The following ADAMTS17 variants were observed in gnomAD, a reference collection of about 807,000 sequenced individuals.
The protein encoded by ADAMTS17 is A disintegrin and metalloproteinase with thrombospondin motifs 17.
A neutral mutation model predicts 141.5 loss-of-function variants in ADAMTS17; 113 were observed. The observed-to-expected ratio is 0.80, with a 90% CI of 0.69 to 0.93. ADAMTS17 has a LOEUF of 0.93. Ranked by LOEUF, ADAMTS17 falls within the 40% of genes least tolerant of loss-of-function variation. ADAMTS17 has a pLI of 0.00. For missense variants in ADAMTS17, 1,659 were observed against 1,517.9 expected (o/e 1.09, Z -1.54); for synonymous variants, 768 against 630.6 (o/e 1.22, Z -3.27).
chr15:100,180,945 C>A (rs1283975433), intron 8 of ADAMTS17, among the ~76,000 whole-genome samples: 1 of 152,162 alleles, frequency 6.6e-6, no homozygotes, highest in Non-Finnish European at 1.5e-5. Flanking sequence ...GAGACACTGT[C>A]CAAGAGCCAG....
intron 18 of ADAMTS17, among the ~76,000 whole-genome samples, chr15:100,020,278 A>C (rs2727109): frequency 0.078 from 11,851 of 152,236 alleles, 1,323 homozygotes; most frequent in African/African-American, 0.25. Context: ...TTTGACAAGG[A>C]TCTCAGAAAA....
At chr15:100,137,312 G>A (rs1335621228) in intron 10 of ADAMTS17, among the ~76,000 whole-genome samples, 1 of 152,218 alleles carries the variant, frequency 6.6e-6, no homozygotes, top group Non-Finnish European at 1.5e-5. Flanking sequence ...GGAGCTGTGG[G>A]AGGCTGTCTA....
chr15:100,337,115 C>G (rs778341062), intron 2 of ADAMTS17, among the ~76,000 whole-genome samples: 3 of 152,224 alleles, frequency 2.0e-5, no homozygotes, highest in Admixed American at 6.5e-5. Flanking sequence ...ACCTGCTGGT[C>G]CACCCACCTC....
chr15:99,986,978 G>C (rs1017890690), intron 20 of ADAMTS17, among the ~76,000 whole-genome samples: 1 of 152,218 alleles, frequency 6.6e-6, no homozygotes, highest in African/African-American at 2.4e-5. Context: ...ACACGACCCT[G>C]GTTAGGGTTT....
intron 18 of ADAMTS17, among the ~76,000 whole-genome samples, chr15:100,040,576 T>C (rs1165595350): frequency 6.6e-6 from 1 of 151,874 alleles, no homozygotes; most frequent in African/African-American, 2.4e-5. Context: ...AGAGCCTACA[T>C]GCAAAGCATT....
intron 7 of ADAMTS17, among the ~76,000 whole-genome samples, chr15:100,228,489 T>G (rs745367613): frequency 1.3e-5 from 2 of 152,012 alleles, no homozygotes; most frequent in African/African-American, 4.8e-5. Flanking sequence ...GATCAATTAG[T>G]GCATTAATGA....
At chr15:100,171,565 C>A (rs1166773850) in intron 8 of ADAMTS17, among the ~76,000 whole-genome samples, 1 of 152,218 alleles carries the variant, frequency 6.6e-6, no homozygotes, top group Non-Finnish European at 1.5e-5. Context: ...ATGCCACTGT[C>A]CTCTGGCGGG....
chr15:100,324,509 G>T (rs559153094), intron 3 of ADAMTS17, among the ~76,000 whole-genome samples: 1 of 152,212 alleles, frequency 6.6e-6, no homozygotes, highest in South Asian at 2.1e-4. Flanking sequence ...AAGTTCTCTG[G>T]AGGCAAGGAC....
At chr15:100,148,753 G>A (rs2039025726) in intron 10 of ADAMTS17, among the ~76,000 whole-genome samples, 1 of 152,002 alleles carries the variant, frequency 6.6e-6, no homozygotes, top group Admixed American at 6.5e-5. Flanking sequence ...TGCTGCACAG[G>A]TGGGCAGGGG....
At chr15:100,227,417 C>A (rs955516657) in intron 7 of ADAMTS17, among the ~76,000 whole-genome samples, 4 of 152,162 alleles carry the variant, frequency 2.6e-5, no homozygotes, top group African/African-American at 9.7e-5. Flanking sequence ...ATGGAGATCT[C>A]AGATCCACCC....
chr15:100,006,634 A>C (rs1040194563), intron 18 of ADAMTS17, among the ~76,000 whole-genome samples: 1 of 152,234 alleles, frequency 6.6e-6, no homozygotes. Context: ...TGGGCTAACA[A>C]GTGGTTTGTC....
intron 4 of ADAMTS17, among the ~76,000 whole-genome samples, chr15:100,262,999 T>C (rs549528711): frequency 6.6e-6 from 1 of 152,116 alleles, no homozygotes; most frequent in Admixed American, 6.5e-5. Context: ...CATACACACG[T>C]GTGCAAACAT....
intron 4 of ADAMTS17, among the ~76,000 whole-genome samples, chr15:100,275,306 G>T (rs2044043654): frequency 6.6e-6 from 1 of 152,220 alleles, no homozygotes; most frequent in South Asian, 2.1e-4. Flanking sequence ...GAAAGGCAGG[G>T]GGTGGGGGGC....
At chr15:100,325,645 G>A (rs373014912) in intron 3 of ADAMTS17, among the ~76,000 whole-genome samples, 4 of 152,224 alleles carry the variant, frequency 2.6e-5, no homozygotes, top group Non-Finnish European at 4.4e-5. Context: ...TGTTTAAAAC[G>A]ACCCTCACCT....
intron 4 of ADAMTS17, among the ~76,000 whole-genome samples, chr15:100,278,565 T>C (rs942413846): frequency 1.2e-4 from 19 of 152,090 alleles, no homozygotes; most frequent in Non-Finnish European, 1.5e-5. Flanking sequence ...CGGCTCGACA[T>C]GAGGCCTCTA....
intron 14 of ADAMTS17, among the ~76,000 whole-genome samples, chr15:100,100,049 G>C (rs540709882): frequency 4.6e-5 from 7 of 152,244 alleles, no homozygotes; most frequent in African/African-American, 1.7e-4. Flanking sequence ...AGCGTCCGCT[G>C]TGTGTAACGC....
chr15:100,111,532 G>A (rs2036781666), intron 13 of ADAMTS17, among the ~76,000 whole-genome samples: 1 of 152,224 alleles, frequency 6.6e-6, no homozygotes, highest in Non-Finnish European at 1.5e-5. Flanking sequence ...GGAGCTGGTG[G>A]GAGAAATACA....
chr15:100,217,585 G>A (rs2042008321), intron 7 of ADAMTS17, among the ~76,000 whole-genome samples: 1 of 152,162 alleles, frequency 6.6e-6, no homozygotes, highest in South Asian at 2.1e-4. Flanking sequence ...GGGCGTCAGA[G>A]CAAGACTCTT....
chr15:100,072,978 C>T lies in ADAMTS17; in HGVS notation c.2138-18924G>A, dbSNP rs2034088807. Among the ~76,000 whole-genome samples the T allele has an allele frequency of 3.3e-5, 5 of 152,232 alleles. No individual in the cohort carries two copies. The South Asian group carries it at 1.0e-3, about 32-fold the overall frequency. On this transcript the variant is annotated intron_variant, in intron 15 of 21. Transcript: ENST00000268070. The stretch of plus-strand genomic sequence containing the variant: ...AGAAACTACCATCAGAGTGAACAGG[C>T]AACCTGCAGAATGGGAGAAAATTTT...
Sources: allele counts gnomAD v4.1 joint callset (sites outside exome capture counted in the v4.1 genomes callset), GRCh38; gene constraint gnomAD v4.1.1; transcripts MANE v1.5; gene names NCBI Gene and HGNC (gene_info 2026-07-23, HGNC 2026-07-21).